FHIT: variants seen among roughly 807,000 people sequenced by gnomAD.
FHIT encodes the protein bis(5'-adenosyl)-triphosphatase.
A neutral mutation model predicts 17.9 loss-of-function variants in FHIT; 19 were observed. The observed-to-expected ratio is 1.06, with a 90% CI of 0.74 to 1.56. The LOEUF (loss-of-function observed/expected upper bound fraction) is 1.56. Among genes scored for constraint, FHIT ranks in the 40% most tolerant of loss-of-function variants. FHIT has a pLI of 0.00. For synonymous variants in FHIT, 81 were observed against 69.7 expected (o/e 1.16, Z -0.81); for missense variants, 248 against 189.2 (o/e 1.31, Z -1.82).
At chr3:60,327,985 G>C (rs999679316) in intron 5 of FHIT, among the ~76,000 whole-genome samples, 1 of 152,270 alleles carries the variant, frequency 6.6e-6, no homozygotes, top group African/African-American at 2.4e-5. Context: ...AGCCCTGTGA[G>C]AGCTAAAACA....
intron 8 of FHIT, among the ~76,000 whole-genome samples, chr3:59,897,077 C>G (rs751373596): frequency 1.1e-4 from 16 of 152,080 alleles, no homozygotes; most frequent in Non-Finnish European, 2.4e-4. Flanking sequence ...CTTATCACTC[C>G]AACAACATCC....
At chr3:60,413,110 T>C (rs959066881) in intron 5 of FHIT, among the ~76,000 whole-genome samples, 3 of 152,146 alleles carry the variant, frequency 2.0e-5, no homozygotes, top group Non-Finnish European at 4.4e-5. Context: ...CTCTCAGACA[T>C]GTTGTTGATG....
intron 2 of FHIT, among the ~76,000 whole-genome samples, chr3:61,158,991 T>C (rs76143899): frequency 0.084 from 12,745 of 152,282 alleles, 1,207 homozygotes; most frequent in East Asian, 0.43. Flanking sequence ...AATCCAGCAC[T>C]GCTGCTAATT....
At chr3:60,894,407 G>GGGA in intron 3 of FHIT, among the ~76,000 whole-genome samples, 1 of 152,156 alleles carries the variant, frequency 6.6e-6, no homozygotes, top group South Asian at 2.1e-4. Context: ...GGTACTTCCA[G>GGGA]GAGAGAAGGA....
chr3:60,975,654 G>A (rs1228479936), intron 3 of FHIT, among the ~76,000 whole-genome samples: 4 of 152,138 alleles, frequency 2.6e-5, no homozygotes, highest in Non-Finnish European at 1.5e-5. Flanking sequence ...CAAGGCAGGA[G>A]TTTTCAAACC....
At chr3:60,505,023 C>T (rs2034671312) in intron 5 of FHIT, among the ~76,000 whole-genome samples, 1 of 152,156 alleles carries the variant, frequency 6.6e-6, no homozygotes, top group Admixed American at 6.5e-5. Flanking sequence ...CTTCCCTGCC[C>T]ACTATCACCC....
chr3:60,454,130 T>A (rs1393329972), intron 5 of FHIT, among the ~76,000 whole-genome samples: 2 of 152,180 alleles, frequency 1.3e-5, no homozygotes, highest in East Asian at 1.9e-4. Context: ...CTGTGTCACA[T>A]CTTGGTGTAG....
chr3:60,905,660 G>C (rs782399867), intron 3 of FHIT, among the ~76,000 whole-genome samples: 4 of 152,248 alleles, frequency 2.6e-5, no homozygotes, highest in Non-Finnish European at 2.9e-5. Context: ...ACTGTAATAA[G>C]GAATGAGGAG....
rs775013970 is a variant in FHIT, at chr3:60,536,945, G to T, written c.18C>A (p.Gly6=). The part of the protein sequence containing the change: MSFRF[G]QHLIKPSVVF... ...CTACAGAGGGCTTGATGAGATGTTGGCCAAATCTGAACGACATGTCCTCAC... is the reference window on the plus strand; with the variant it reads ...CTACAGAGGGCTTGATGAGATGTTGTCCAAATCTGAACGACATGTCCTCAC... The change falls in exon 5 of 10, where the codon GGC becomes GGA. Residue 6 remains glycine, a synonymous_variant. Coordinates refer to ENST00000492590, the MANE Select transcript of FHIT (RefSeq NM_002012.4). 1 of 1,611,668 alleles carries T rather than the reference G, an allele frequency of 6.2e-7. No homozygotes were observed. The highest frequency in any genetic ancestry group is 8.5e-7 in the Non-Finnish European group (1 of 1,178,848).
chr3:60,889,253 A>G (rs1705378335), intron 3 of FHIT, among the ~76,000 whole-genome samples: 1 of 152,198 alleles, frequency 6.6e-6, no homozygotes, highest in South Asian at 2.1e-4. Context: ...ATCCTAGCCA[A>G]CAGGGGAACG....
chr3:59,952,110 C>T (rs987228604), intron 7 of FHIT, among the ~76,000 whole-genome samples: 1 of 152,174 alleles, frequency 6.6e-6, no homozygotes, highest in African/African-American at 2.4e-5. Flanking sequence ...TCTTGGATTC[C>T]TTCTATATCC....
intron 5 of FHIT, among the ~76,000 whole-genome samples, chr3:60,399,173 T>C (rs1169215774): frequency 6.6e-6 from 1 of 152,194 alleles, no homozygotes; most frequent in Non-Finnish European, 1.5e-5. Flanking sequence ...TTATAACCTA[T>C]AAAAAGTTTC....
chr3:60,935,946 C>T (rs1402782506), intron 3 of FHIT, among the ~76,000 whole-genome samples: 1 of 152,120 alleles, frequency 6.6e-6, no homozygotes, highest in African/African-American at 2.4e-5. Flanking sequence ...CAATGCGTGG[C>T]ACATATTAAA....
chr3:59,817,233 G>A (rs981238009), intron 8 of FHIT, among the ~76,000 whole-genome samples: 1 of 152,146 alleles, frequency 6.6e-6, no homozygotes, highest in African/African-American at 2.4e-5. Flanking sequence ...TGTTGTTAGT[G>A]TACCTGTTTC....
intron 4 of FHIT, among the ~76,000 whole-genome samples, chr3:60,656,280 A>G (rs553580117): frequency 1.3e-5 from 2 of 152,330 alleles, no homozygotes; most frequent in South Asian, 4.1e-4. Context: ...TTTATGGGAA[A>G]GCAACAGTGT....
At chr3:59,762,600 C>T (rs1047013136) in intron 8 of FHIT, among the ~76,000 whole-genome samples, 4 of 152,200 alleles carry the variant, frequency 2.6e-5, no homozygotes, top group African/African-American at 9.6e-5. Context: ...CTGATCCACT[C>T]TATAAATTCC....
In FHIT at chr3:60,865,560, A is replaced by T. The variant is rs1704118010; in HGVS notation, c.-110-43549T>A. Among the ~76,000 whole-genome samples, 4 of 152,250 alleles carry T rather than the reference A, an allele frequency of 2.6e-5. No homozygotes were observed. The South Asian group carries it at 8.3e-4, about 32-fold the overall frequency. ...CTGAATTTTCATTTTAATCGTTTGT[A>T]TGTATTTCATTCCTCTTAGTATGAA... is the stretch of plus-strand genomic sequence containing the variant. On this transcript the variant is annotated intron_variant, in intron 3 of 9. Transcript: ENST00000492590.
At chr3:60,558,746 A>C (rs6805412) in intron 4 of FHIT, among the ~76,000 whole-genome samples, 42,116 of 151,976 alleles carry the variant, frequency 0.28, 6,222 homozygotes, top group East Asian at 0.42. Context: ...CTAATTAACT[A>C]TGACATGTTC....
intron 1 of FHIT, among the ~76,000 whole-genome samples, chr3:61,214,911 T>C (rs554346101): frequency 1.3e-5 from 2 of 152,134 alleles, no homozygotes; most frequent in Non-Finnish European, 2.9e-5. Context: ...AAAAACCACA[T>C]GATTACCTCA....
Sources: allele counts gnomAD v4.1 joint callset (sites outside exome capture counted in the v4.1 genomes callset), GRCh38; gene constraint gnomAD v4.1.1; transcripts MANE v1.5; gene names NCBI Gene and HGNC (gene_info 2026-07-23, HGNC 2026-07-21).